Variants in RSRC2 observed in about 807,000 individuals in gnomAD.
RSRC2 encodes the protein arginine and serine rich coiled-coil 2, also known as arginine/serine-rich coiled-coil protein 2.
A neutral mutation model predicts 61.3 loss-of-function variants in RSRC2; 5 were observed. The observed-to-expected ratio is 0.08, with a 90% CI of 0.04 to 0.17. The LOEUF is 0.17. RSRC2 is among the 10% of genes least tolerant of loss of function. The probability of loss-of-function intolerance (pLI) is 1.00; values close to 1 mark genes in which losing one functional copy is unlikely to be tolerated. For synonymous variants in RSRC2, 202 were observed against 166.5 expected (o/e 1.21, Z -1.64); for missense variants, 381 against 518.8 (o/e 0.73, Z 2.58).
rs538051734 is a variant in RSRC2, at chr12:122,526,663, C to A, written c.6+185G>T. Among the ~76,000 whole-genome samples the A allele has an allele frequency of 6.4e-4, 97 of 152,210 alleles. No individual in the cohort carries two copies. The South Asian group carries it at 0.017, about 27-fold the overall frequency. Reference sequence around the variant, plus strand: ...AAAGGCACTCCCTGCGGCTCCCCACCCCCACCAACACCGCCTTACTTCCCC... The same window carrying A: ...AAAGGCACTCCCTGCGGCTCCCCACACCCACCAACACCGCCTTACTTCCCC... On this transcript the variant is annotated intron_variant, in intron 1 of 9. Transcript: ENST00000331738.
At chr12:122,507,131 A>AAGGATTATAGGAAGTGG (rs1457726914) in intron 8 of RSRC2, 3 of 566,122 alleles carry the variant, frequency 5.3e-6, no homozygotes, top group Non-Finnish European at 9.5e-6. Context: ...TAATCCCAGC[A>AAGGATTATAGGAAGTGG]CTTTGGAAGG....
Position 122,505,721 on chromosome 12 carries a change from TA to T in RSRC2, c.1126-16del, listed in dbSNP as rs750864482. 6.2e-7 allele frequency: 1 copy of T among 1,601,176 alleles called. No individual in the cohort carries two copies. The highest frequency in any genetic ancestry group is 8.5e-7 in the Non-Finnish European group (1 of 1,170,010). ...TCATCTTCACTCTAAAAATCAGACA[TA>T]AAACATTACAATGAATTCAGATGGA... On this transcript the variant is annotated splice_polypyrimidine_tract_variant and intron_variant, in intron 9 of 9. Transcript: ENST00000331738.
chr12:122,516,373 A>C (rs995314950), intron 5 of RSRC2, among the ~76,000 whole-genome samples: 5 of 152,170 alleles, frequency 3.3e-5, no homozygotes, highest in Non-Finnish European at 5.9e-5. Context: ...ATAAATCTAA[A>C]TTGTGTTCAT....
chr12:122,520,805 T>C (rs889203855), intron 3 of RSRC2: 21 of 318,420 alleles, frequency 6.6e-5, no homozygotes, highest in African/African-American at 4.4e-4. Context: ...CTTTGTCTTC[T>C]CAGGTGGGTG....
intron 4 of RSRC2, 26 bp from the exon 5 acceptor site, chr12:122,517,456 A>G: frequency 1.2e-6 from 2 of 1,613,570 alleles, no homozygotes; most frequent in Middle Eastern, 3.3e-4. Flanking sequence ...ACAAATTTGT[A>G]ATTACTTAAA....
At chr12:122,525,271 G>A (rs1212336872) in intron 1 of RSRC2, among the ~76,000 whole-genome samples, 1 of 152,140 alleles carries the variant, frequency 6.6e-6, no homozygotes, top group Non-Finnish European at 1.5e-5. Context: ...AGCTACTCGG[G>A]AGTCTGAGGC....
chr12:122,521,293 T>TA, intron 3 of RSRC2, 92 bp downstream of exon 3: 1 of 942,194 alleles, frequency 1.1e-6, no homozygotes. Flanking sequence ...GTTTTGTACT[T>TA]ACCTTGACAA....
intron 6 of RSRC2, chr12:122,514,573 C>T (rs1241610004): frequency 8.8e-6 from 9 of 1,021,486 alleles, no homozygotes; most frequent in African/African-American, 2.0e-5. Flanking sequence ...GCCGAAACAG[C>T]AGAAAATTAA....
At chr12:122,519,090 G>C in intron 3 of RSRC2, 61 bp from the exon 4 acceptor site, 2 of 1,381,340 alleles carry the variant, frequency 1.4e-6, no homozygotes, top group East Asian at 2.3e-5. Context: ...GTTAGTATGG[G>C]TATCAGTAGA....
At chr12:122,509,755 AAAC>A (rs572080214) in intron 7 of RSRC2, among the ~76,000 whole-genome samples, 23 of 152,348 alleles carry the variant, frequency 1.5e-4, no homozygotes, top group Non-Finnish European at 2.4e-4. Context: ...AAAATGTAAA[AAAC>A]AACAAAAAAC....
Position 122,504,591 on chromosome 12 carries a change from T to C in RSRC2, c.*936A>G, listed in dbSNP as rs1276378050. The C allele has an allele frequency of 6.6e-6, 1 of 152,284 alleles. No individual in the cohort carries two copies. Among genetic ancestry groups the C allele is most frequent in the Non-Finnish European group, 1.5e-5 (1 of 68,050 alleles). The allele number at this position is 152,284 out of a possible 1,614,324, so 9.4% of individuals were successfully genotyped here. On this transcript the variant is annotated 3_prime_UTR_variant, in exon 10 of 10. Transcript: ENST00000331738. The stretch of plus-strand genomic sequence containing the variant: ...TGGCAGTGAGCCGAGATTGTGCCAC[T>C]GCACCCAGTTTAGGCAACAGAGCAA...
intron 2 of RSRC2, among the ~76,000 whole-genome samples, chr12:122,521,699 T>C (rs897896789): frequency 6.6e-6 from 1 of 152,168 alleles, no homozygotes; most frequent in Non-Finnish European, 1.5e-5. Flanking sequence ...GACCAGCCCA[T>C]CTAGTTTCCT....
At chr12:122,507,714 C>G (rs943281134) in intron 8 of RSRC2, among the ~76,000 whole-genome samples, 2 of 98,532 alleles carry the variant, frequency 2.0e-5, no homozygotes, top group East Asian at 3.4e-4. Context: ...AGTGCAGTGG[C>G]GTGATTTTTT....
chr12:122,520,130 T>G (rs989436188), intron 3 of RSRC2: 3 of 203,360 alleles, frequency 1.5e-5, no homozygotes, highest in African/African-American at 7.2e-5. Context: ...AGCATGTTTC[T>G]TTCCACTCAC....
intron 6 of RSRC2, among the ~76,000 whole-genome samples, chr12:122,513,417 A>C (rs545827426): frequency 3.1e-4 from 47 of 152,094 alleles, no homozygotes; most frequent in African/African-American, 1.1e-3. Context: ...AAATAATCTC[A>C]TATTCTGAAA....
At chr12:122,525,979 G>T (rs1464319253) in intron 1 of RSRC2, among the ~76,000 whole-genome samples, 3 of 52,002 alleles carry the variant, frequency 5.8e-5, no homozygotes, top group Admixed American at 1.5e-4. Flanking sequence ...CCGCCACTAC[G>T]CCCGGCTAAT....
At chr12:122,513,799 AGGCT>A in intron 6 of RSRC2, 2 of 985,314 alleles carry the variant, frequency 2.0e-6, no homozygotes, top group Middle Eastern at 5.2e-4. Context: ...AGTTTCTGTC[AGGCT>A]GGGTTCCCAG....
chr12:122,505,512 C>T lies in RSRC2; in HGVS notation c.*15G>A. The stretch of plus-strand genomic sequence containing the variant: ...AGAAGTCTATAAGTCCCAAACTTTA[C>T]AAGTGTGATCATTTTCAAACTGCAT... On this transcript the variant is annotated 3_prime_UTR_variant, in exon 10 of 10. Coordinates refer to ENST00000331738, the MANE Select transcript of RSRC2 (RefSeq NM_023012.6). 1 of 1,610,372 alleles carries T rather than the reference C, an allele frequency of 6.2e-7. No homozygotes were observed. Among genetic ancestry groups the T allele is most frequent in the Non-Finnish European group, 8.5e-7 (1 of 1,177,598 alleles).
chr12:122,514,888 T>C, intron 6 of RSRC2: 1 of 700,798 alleles, frequency 1.4e-6, no homozygotes, highest in Non-Finnish European at 2.1e-6. Flanking sequence ...AGTTAAATCA[T>C]GAAGGAAAAA....
Sources: gnomAD v4.1 joint callset for allele counts (sites outside exome capture counted in the v4.1 genomes callset) on GRCh38, gnomAD v4.1.1 for gene constraint, MANE v1.5 for transcripts, NCBI Gene and HGNC (gene_info 2026-07-23, HGNC 2026-07-21) for gene names.